Variants in LIMCH1 observed in about 807,000 individuals in gnomAD.
LIMCH1 encodes LIM and calponin homology domains 1, also known as LIM and calponin homology domains-containing protein 1.
Under a neutral mutation model 176.5 loss-of-function variants are expected in LIMCH1, and 113 were observed. The observed-to-expected ratio is 0.64, with a 90% CI of 0.55 to 0.75. LIMCH1 has a LOEUF of 0.75. Ranked by LOEUF, LIMCH1 falls within the 30% of genes least tolerant of loss-of-function variation. LIMCH1 has a pLI of 0.00. For missense variants in LIMCH1, 1,674 were observed against 1,814.9 expected, an observed-to-expected ratio of 0.92 and a Z score of 1.41; for synonymous variants, 619 against 645.9, an observed-to-expected ratio of 0.96 and a Z score of 0.63.
At chr4:41,687,803 G>C (rs1370347313) in intron 28 of LIMCH1, 37 bp from the exon 29 acceptor site, 2 of 1,360,414 alleles carry the variant, frequency 1.5e-6, no homozygotes, top group Non-Finnish European at 1.0e-6. Context: ...GCTTCTCTTT[G>C]CTTGTCATAA....
chr4:41,426,380 G>A (rs2061106442), intron 1 of LIMCH1, among the ~76,000 whole-genome samples: 1 of 152,182 alleles, frequency 6.6e-6, no homozygotes, highest in African/African-American at 2.4e-5. Flanking sequence ...GTCTGTATAT[G>A]AGAAGTGTTT....
At chr4:41,470,560 C>CT (rs2066802517) in intron 1 of LIMCH1, among the ~76,000 whole-genome samples, 1 of 152,212 alleles carries the variant, frequency 6.6e-6, no homozygotes, top group African/African-American at 2.4e-5. Flanking sequence ...CCTTTATCCA[C>CT]TCCAGTGTAC....
At chr4:41,527,562 G>A (rs376161433) in intron 3 of LIMCH1, among the ~76,000 whole-genome samples, 2 of 152,186 alleles carry the variant, frequency 1.3e-5, no homozygotes, top group Admixed American at 6.5e-5. Context: ...GCCGGGCGTG[G>A]TGGTGGCTCA....
chr4:41,561,952 G>T (rs2082123263), intron 1 of LIMCH1, among the ~76,000 whole-genome samples: 2 of 152,200 alleles, frequency 1.3e-5, no homozygotes, highest in South Asian at 4.1e-4. Context: ...TCTCTAGAGA[G>T]AATTCTGATT....
intron 1 of LIMCH1, among the ~76,000 whole-genome samples, chr4:41,439,424 A>T (rs1452741584): frequency 6.6e-6 from 1 of 151,924 alleles, no homozygotes; most frequent in Non-Finnish European, 1.5e-5. Flanking sequence ...CCATCTCTAT[A>T]AAAAATACAG....
At chr4:41,376,710 G>C (rs1490763545) in intron 1 of LIMCH1, among the ~76,000 whole-genome samples, 1 of 152,128 alleles carries the variant, frequency 6.6e-6, no homozygotes, top group Non-Finnish European at 1.5e-5. Flanking sequence ...CTGGGAAAAA[G>C]AATTTTCTGC....
chr4:41,422,802 G>A (rs1377101164), intron 1 of LIMCH1, among the ~76,000 whole-genome samples: 1 of 151,996 alleles, frequency 6.6e-6, no homozygotes, highest in African/African-American at 2.4e-5. Context: ...CTGTCACCCA[G>A]GCTGCAGGGC....
intron 1 of LIMCH1, among the ~76,000 whole-genome samples, chr4:41,558,334 A>T (rs1282211634): frequency 2.6e-5 from 4 of 152,188 alleles, no homozygotes; most frequent in African/African-American, 7.2e-5. Flanking sequence ...TTTCACCAAA[A>T]AGGGGCGGTG....
At chr4:41,405,850 C>T (rs1419445783) in intron 1 of LIMCH1, among the ~76,000 whole-genome samples, 1 of 152,102 alleles carries the variant, frequency 6.6e-6, no homozygotes, top group Non-Finnish European at 1.5e-5. Flanking sequence ...TGAAGTGATG[C>T]AAGGCTAAGA....
chr4:41,568,142 G>C (rs2083023305), intron 1 of LIMCH1, among the ~76,000 whole-genome samples: 1 of 152,146 alleles, frequency 6.6e-6, no homozygotes. Context: ...GACAGAGCGA[G>C]ACTCCTTCTC....
At chr4:41,612,425 A>G in intron 4 of LIMCH1, 5 of 634,874 alleles carry the variant, frequency 7.9e-6, no homozygotes, top group Non-Finnish European at 1.4e-5. Context: ...GTCTTTGCGG[A>G]TGAGAACATG....
intron 1 of LIMCH1, among the ~76,000 whole-genome samples, chr4:41,385,389 AT>A (rs533619330): frequency 1.3e-5 from 2 of 152,058 alleles, no homozygotes; most frequent in South Asian, 2.1e-4. Context: ...GATAATTTAG[AT>A]TTTTTTTCTA....
chr4:41,569,259 C>G (rs2083190769), intron 1 of LIMCH1, among the ~76,000 whole-genome samples: 1 of 152,194 alleles, frequency 6.6e-6, no homozygotes, highest in Non-Finnish European at 1.5e-5. Context: ...GCAAGGGTGC[C>G]TGCTGCCCTT....
chr4:41,504,135 C>CA (rs1456130508), intron 2 of LIMCH1, among the ~76,000 whole-genome samples: 1 of 152,220 alleles, frequency 6.6e-6, no homozygotes, highest in Non-Finnish European at 1.5e-5. Context: ...AGTTTCTCCT[C>CA]ACAACCATTT....
At chr4:41,585,681 G>A (rs994016407) in intron 1 of LIMCH1, among the ~76,000 whole-genome samples, 16 of 152,148 alleles carry the variant, frequency 1.1e-4, no homozygotes, top group African/African-American at 3.1e-4. Flanking sequence ...TAGTTTCTCT[G>A]TATTCTCATC....
chr4:41,563,538 A>T (rs567379193), intron 1 of LIMCH1, among the ~76,000 whole-genome samples: 1 of 152,332 alleles, frequency 6.6e-6, no homozygotes, highest in South Asian at 2.1e-4. Flanking sequence ...ATTTATAGTG[A>T]TAGATGCTAA....
At chr4:41,452,752 C>G (rs1163795578) in intron 1 of LIMCH1, among the ~76,000 whole-genome samples, 2 of 152,190 alleles carry the variant, frequency 1.3e-5, no homozygotes, top group South Asian at 4.1e-4. Flanking sequence ...AAGCCTTCCT[C>G]AATCCCTCAA....
chr4:41,627,176 G>A (rs1465610455), intron 8 of LIMCH1, among the ~76,000 whole-genome samples, 166 bp downstream of exon 8: 1 of 152,074 alleles, frequency 6.6e-6, no homozygotes, highest in Non-Finnish European at 1.5e-5. Flanking sequence ...TTATTTTGAA[G>A]CGGAACTTTA....
At chr4:41,662,365 T>C (rs1341589582) in intron 19 of LIMCH1, among the ~76,000 whole-genome samples, 1 of 152,116 alleles carries the variant, frequency 6.6e-6, no homozygotes, top group African/African-American at 2.4e-5. Flanking sequence ...TACCCCACAA[T>C]CCGTAACACA....
Sources: gnomAD v4.1 joint callset for allele counts (sites outside exome capture counted in the v4.1 genomes callset) on GRCh38, gnomAD v4.1.1 for gene constraint, MANE v1.5 for transcripts, NCBI Gene and HGNC (gene_info 2026-07-23, HGNC 2026-07-21) for gene names.